The following ARHGAP29 variants were observed in gnomAD, a reference collection of about 807,000 sequenced individuals.
ARHGAP29 encodes Rho GTPase activating protein 29, also known as rho GTPase-activating protein 29.
In ARHGAP29, 43 loss-of-function variants were observed where a neutral mutation model predicts 122.6. The observed-to-expected ratio is 0.35, with a 90% CI of 0.27 to 0.45. The LOEUF is 0.45. Ranked by LOEUF, ARHGAP29 falls within the 20% of genes least tolerant of loss-of-function variation. The probability of loss-of-function intolerance (pLI) is 1.00; values close to 1 mark genes in which losing one functional copy is unlikely to be tolerated. For synonymous variants in ARHGAP29, 506 were observed against 497.1 expected (o/e 1.02, Z -0.24); for missense variants, 1,303 against 1,477.2 (o/e 0.88, Z 1.93).
intron 1 of ARHGAP29, among the ~76,000 whole-genome samples, chr1:94,245,549 T>C (rs1380420892): frequency 6.6e-6 from 1 of 152,178 alleles, no homozygotes; most frequent in Admixed American, 6.5e-5. Context: ...GACAAAAGAA[T>C]TTCGTTGCCT....
At chr1:94,245,731 A>C (rs1653771757) in intron 1 of ARHGAP29, among the ~76,000 whole-genome samples, 1 of 152,222 alleles carries the variant, frequency 6.6e-6, no homozygotes, top group African/African-American at 2.4e-5. Context: ...GAAGATGCAA[A>C]GGTTCTACAG....
chr1:94,228,051 T>G (rs1238936054), intron 2 of ARHGAP29, among the ~76,000 whole-genome samples: 1 of 151,794 alleles, frequency 6.6e-6, no homozygotes, highest in Non-Finnish European at 1.5e-5. Flanking sequence ...CTCTGTCACT[T>G]AACTTACCCC....
At chr1:94,183,357 G>C (rs78019162) in intron 19 of ARHGAP29, among the ~76,000 whole-genome samples, 12 of 151,902 alleles carry the variant, frequency 7.9e-5, no homozygotes, top group Non-Finnish European at 1.3e-4. Context: ...TTTTTTGTAC[G>C]TGTCTCATGA....
intron 19 of ARHGAP29, among the ~76,000 whole-genome samples, chr1:94,181,304 T>C (rs960035940): frequency 1.3e-5 from 2 of 152,212 alleles, no homozygotes; most frequent in Admixed American, 1.3e-4. Flanking sequence ...CTGTTGCCAC[T>C]TCACGCTTCT....
chr1:94,301,080 T>C, the ARHGAP29 span, among the ~76,000 whole-genome samples: 1 of 152,230 alleles, frequency 6.6e-6, no homozygotes, highest in Non-Finnish European at 1.5e-5. Flanking sequence ...CTCGTTTAAC[T>C]CTACCCAAAG....
upstream of ARHGAP29, among the ~76,000 whole-genome samples, chr1:94,241,612 C>T (rs1048910744): frequency 5.5e-5 from 8 of 145,846 alleles, no homozygotes; most frequent in East Asian, 4.0e-4. Flanking sequence ...AGCAAAACTC[C>T]GTCTCAAAAA....
chr1:94,199,108 G>A (rs950774443), intron 12 of ARHGAP29, among the ~76,000 whole-genome samples: 31 of 152,138 alleles, frequency 2.0e-4, no homozygotes, highest in African/African-American at 7.2e-4. Flanking sequence ...GGGCACTGGG[G>A]GAGGGATAGC....
intron 2 of ARHGAP29, among the ~76,000 whole-genome samples, chr1:94,228,182 C>T (rs1652727398): frequency 6.6e-6 from 1 of 151,732 alleles, no homozygotes; most frequent in South Asian, 2.1e-4. Context: ...GAGTACAGAG[C>T]TCTTTGGCAG....
intron 1 of ARHGAP29, among the ~76,000 whole-genome samples, chr1:94,249,927 C>T (rs1024791092): frequency 6.6e-6 from 1 of 151,962 alleles, no homozygotes; most frequent in African/African-American, 2.4e-5. Flanking sequence ...ACAGAATGGG[C>T]CCCCACTAAG....
chr1:94,175,680 G>A (rs1302196380), intron 22 of ARHGAP29, among the ~76,000 whole-genome samples: 2 of 151,836 alleles, frequency 1.3e-5, no homozygotes, highest in Admixed American at 6.6e-5. Flanking sequence ...CTCTTCCCTG[G>A]GTTCCAAGGC....
At chr1:94,281,410 G>A in the ARHGAP29 span, among the ~76,000 whole-genome samples, 1 of 152,148 alleles carries the variant, frequency 6.6e-6, no homozygotes, top group South Asian at 2.1e-4. Context: ...CAAGGCAGGA[G>A]GTGTGCTAGA....
At chr1:94,282,488 G>C in the ARHGAP29 span, among the ~76,000 whole-genome samples, 2 of 151,944 alleles carry the variant, frequency 1.3e-5, no homozygotes, top group Non-Finnish European at 2.9e-5. Flanking sequence ...GTTTTGCCAT[G>C]TTGCCCAACC....
chr1:94,179,926 T>A lies in ARHGAP29; in HGVS notation c.2279A>T (p.Tyr760Phe). The stretch of plus-strand genomic sequence containing the variant: ...TTTTGCAAGGTCTATAAATTCCTTG[T>A]ACAATCGAAATAAAATAAATGGTTC... ...LPEPFILFRL[Y>F]KEFIDLAKEI... Residue 760 changes from tyrosine (Y) to phenylalanine (F), a missense_variant, in exon 20 of 23, where the codon TAC becomes TTC. Around this residue, in one of 3 missense-constraint regions of ARHGAP29, gnomAD observed 620 missense variants for 651.2 expected, o/e 0.95. Transcript: ENST00000260526. 6.2e-7 allele frequency: 1 copy of A among 1,607,878 alleles called. No homozygotes were observed.
chr1:94,184,769 C>CA (rs1421846024), intron 18 of ARHGAP29, 103 bp downstream of exon 18: 114 of 1,009,692 alleles, frequency 1.1e-4, no homozygotes, highest in South Asian at 3.4e-4. Context: ...CAGAACAAAA[C>CA]AAAAAAAACC....
At chr1:94,262,043 T>G (rs895432122) in intron 1 of ARHGAP29, among the ~76,000 whole-genome samples, 17 of 152,072 alleles carry the variant, frequency 1.1e-4, no homozygotes, top group Non-Finnish European at 1.9e-4. Context: ...ATGGAACTGT[T>G]ACAAAAACAG....
At chr1:94,264,145 G>A (rs955817182) in intron 1 of ARHGAP29, among the ~76,000 whole-genome samples, 29 of 152,220 alleles carry the variant, frequency 1.9e-4, no homozygotes, top group African/African-American at 7.0e-4. Context: ...AATCTTGGCA[G>A]TAGCATATTG....
At chr1:94,274,807 G>A (rs1655122023) in intron 1 of ARHGAP29, among the ~76,000 whole-genome samples, 1 of 152,232 alleles carries the variant, frequency 6.6e-6, no homozygotes, top group African/African-American at 2.4e-5. Flanking sequence ...GCTGGAGCAT[G>A]GCTTCAGCTT....
At chr1:94,219,538 C>T (rs900746078) in intron 3 of ARHGAP29, among the ~76,000 whole-genome samples, 1 of 152,172 alleles carries the variant, frequency 6.6e-6, no homozygotes, top group African/African-American at 2.4e-5. Context: ...CACTACCACA[C>T]CCCAGCTTCC....
At chr1:94,294,192 T>A in the ARHGAP29 span, among the ~76,000 whole-genome samples, 3 of 152,090 alleles carry the variant, frequency 2.0e-5, no homozygotes, top group South Asian at 4.2e-4. Context: ...ATCATTTAAT[T>A]TGGAACATAT....
Sources: gnomAD v4.1 joint callset for allele counts (sites outside exome capture counted in the v4.1 genomes callset) on GRCh38, gnomAD v4.1.1 for gene constraint, gnomAD v4.1.1 regional missense constraint, MANE v1.5 for transcripts, NCBI Gene and HGNC (gene_info 2026-07-23, HGNC 2026-07-21) for gene names.